The following PPP1R9A variants were observed in gnomAD, a reference collection of about 807,000 sequenced individuals.
The protein encoded by PPP1R9A is protein phosphatase 1 regulatory subunit 9A.
Under a neutral mutation model 141.9 loss-of-function variants are expected in PPP1R9A, and 59 were observed. The observed-to-expected ratio is 0.42, with a 90% confidence interval of 0.34 to 0.52. PPP1R9A has a LOEUF of 0.52. Ranked by LOEUF, PPP1R9A falls within the 20% of genes least tolerant of loss-of-function variation. The probability of loss-of-function intolerance (pLI) is 0.10; values close to 1 mark genes in which losing one functional copy is unlikely to be tolerated. For missense variants in PPP1R9A, 1,444 were observed against 1,611.9 expected, an observed-to-expected ratio of 0.90 and a Z score of 1.78; for synonymous variants, 500 against 569.7, an observed-to-expected ratio of 0.88 and a Z score of 1.74.
chr7:95,045,513 C>G (rs1163222925), intron 2 of PPP1R9A, among the ~76,000 whole-genome samples: 4 of 152,182 alleles, frequency 2.6e-5, no homozygotes, highest in Admixed American at 1.3e-4. Context: ...TTCCCTTTTT[C>G]AGTGGAATGC....
intron 7 of PPP1R9A, among the ~76,000 whole-genome samples, chr7:95,218,791 C>A (rs1404323652): frequency 2.0e-5 from 3 of 152,148 alleles, no homozygotes; most frequent in Admixed American, 6.6e-5. Context: ...GGATTGCAAC[C>A]CCTGCCTTTT....
rs1449964534 is a variant in PPP1R9A at position 95,118,824 on chromosome 7, A to AC, written c.1529-1887dup. Among the ~76,000 whole-genome samples, 5 of 150,224 alleles carry AC rather than the reference A, an allele frequency of 3.3e-5. No homozygotes were observed. The East Asian group carries it at 7.9e-4, about 24-fold the overall frequency. On this transcript the variant is annotated intron_variant, in intron 3 of 19. Coordinates refer to ENST00000433360, the MANE Select transcript of PPP1R9A (RefSeq NM_001166160.2). Reference sequence around the variant, plus strand: ...TGTCTGTACAAAAAAAAAAAAAAAAACACAAAAAATTACCCAGATGTGGTG... The same window carrying AC: ...TGTCTGTACAAAAAAAAAAAAAAAAACCACAAAAAATTACCCAGATGTGGTG...
intron 8 of PPP1R9A, among the ~76,000 whole-genome samples, chr7:95,231,197 A>T (rs1435587350): frequency 1.3e-5 from 2 of 152,168 alleles, no homozygotes; most frequent in Non-Finnish European, 2.9e-5. Context: ...CCAACAAGAA[A>T]ATATTACAAT....
chr7:95,229,750 A>G (rs764258779), intron 8 of PPP1R9A, among the ~76,000 whole-genome samples: 4 of 152,096 alleles, frequency 2.6e-5, no homozygotes, highest in Non-Finnish European at 1.5e-5. Flanking sequence ...ACTGCCTGAG[A>G]AACCTGAATA....
intron 6 of PPP1R9A, among the ~76,000 whole-genome samples, chr7:95,203,015 T>TA (rs1789917767): frequency 6.6e-6 from 1 of 152,084 alleles, no homozygotes; most frequent in Non-Finnish European, 1.5e-5. Context: ...AAAGTCTCCT[T>TA]AGGCAGTAGT....
At chr7:95,224,251 C>T (rs1794837516) in intron 7 of PPP1R9A, among the ~76,000 whole-genome samples, 2 of 152,098 alleles carry the variant, frequency 1.3e-5, no homozygotes, top group South Asian at 4.1e-4. Flanking sequence ...AACCTCTTTT[C>T]CTTTCAGTCA....
intron 4 of PPP1R9A, among the ~76,000 whole-genome samples, chr7:95,140,616 C>T (rs945162337): frequency 6.6e-6 from 1 of 152,188 alleles, no homozygotes; most frequent in Non-Finnish European, 1.5e-5. Context: ...GTCTTGAATT[C>T]CTGGTCCCAA....
At chr7:95,209,564 T>C (rs1284259432) in intron 7 of PPP1R9A, among the ~76,000 whole-genome samples, 5 of 152,168 alleles carry the variant, frequency 3.3e-5, no homozygotes, top group African/African-American at 1.2e-4. Flanking sequence ...AAGTCAGCCA[T>C]GTGAGGAAAG....
intron 2 of PPP1R9A, among the ~76,000 whole-genome samples, chr7:94,944,127 C>T (rs1025741022): frequency 3.3e-5 from 5 of 152,060 alleles, no homozygotes; most frequent in East Asian, 1.9e-4. Context: ...ATATCCATCA[C>T]GTTATACTTT....
Position 94,992,853 on chromosome 7 carries a change from CT to C in PPP1R9A, c.1395+81346del, listed in dbSNP as rs1801689930. Reference sequence around the variant, plus strand: ...CTTACTGTTTTAAGAGTTATTTATTCTGAATATAAGTAATATATTTATTCTG... The same window carrying C: ...CTTACTGTTTTAAGAGTTATTTATTCGAATATAAGTAATATATTTATTCTG... On this transcript the variant is annotated intron_variant, in intron 2 of 19. Transcript: ENST00000433360. Among the ~76,000 whole-genome samples, 5 of 151,910 alleles carry C rather than the reference CT, an allele frequency of 3.3e-5. No individual in the cohort carries two copies. The South Asian group carries it at 1.0e-3, about 31-fold the overall frequency.
chr7:94,995,757 G>A (rs1309228933), intron 2 of PPP1R9A, among the ~76,000 whole-genome samples: 1 of 151,908 alleles, frequency 6.6e-6, no homozygotes, highest in Non-Finnish European at 1.5e-5. Context: ...TGTGCCCATT[G>A]TGTCCATTCT....
Position 95,293,506 on chromosome 7 carries a change from A to AATCATAC in PPP1R9A, c.*3203_*3204insATCATAC, listed in dbSNP as rs1257352996. On this transcript the variant is annotated 3_prime_UTR_variant, in exon 20 of 20. Transcript: ENST00000433360. ...ACCCACAGCAGTTCATGATTGCAGT[A>AATCATAC]TGATAGGTACTAAAGCCAAACTCAG... is the stretch of plus-strand genomic sequence containing the variant. 1 of 152,174 alleles carries AATCATAC rather than the reference A, an allele frequency of 6.6e-6. No individual in the cohort carries two copies. Among genetic ancestry groups the AATCATAC allele is most frequent in the African/African-American group, 2.4e-5 (1 of 41,444 alleles). The allele number at this position is 152,174 out of a possible 1,614,324, so 9.4% of individuals were successfully genotyped here. A position where few individuals can be genotyped will look rare whatever the true frequency, so the allele number is the denominator to read the frequency against.
intron 2 of PPP1R9A, among the ~76,000 whole-genome samples, chr7:95,058,745 G>A (rs1563178177): frequency 1.3e-5 from 2 of 151,980 alleles, no homozygotes; most frequent in Non-Finnish European, 2.9e-5. Context: ...GCGGGGTGGA[G>A]TAGGGAGAAG....
chr7:95,257,478 C>T (rs1436384351), intron 12 of PPP1R9A, among the ~76,000 whole-genome samples: 4 of 151,826 alleles, frequency 2.6e-5, no homozygotes, highest in Non-Finnish European at 4.4e-5. Flanking sequence ...CGATACTTAA[C>T]ACTCTTAGAA....
chr7:95,241,484 CTG>C lies in PPP1R9A; in HGVS notation c.2113-5987_2113-5986del, dbSNP rs202239382. 5.0e-3 allele frequency among the ~76,000 whole-genome samples: 755 copies of C among 152,164 alleles called. 8 individuals are homozygous for C. The highest frequency in any genetic ancestry group is 0.017 in the African/African-American group (702 of 41,514). ...TCATGACTCTTTTATATTCTATGAA[CTG>C]TTGTTTTTAGTTGTGGTGTTCATTT... On this transcript the variant is annotated intron_variant, in intron 8 of 19. Transcript: ENST00000433360.
intron 2 of PPP1R9A, among the ~76,000 whole-genome samples, chr7:95,090,575 A>C (rs1817211225): frequency 6.6e-6 from 1 of 151,982 alleles, no homozygotes; most frequent in Admixed American, 6.6e-5. Context: ...TTGGAGGCCA[A>C]GGTAGGCAGA....
intron 5 of PPP1R9A, among the ~76,000 whole-genome samples, chr7:95,166,887 A>C (rs933012101): frequency 6.6e-6 from 1 of 152,212 alleles, no homozygotes; most frequent in Non-Finnish European, 1.5e-5. Flanking sequence ...ATGCTACATC[A>C]CATCAACAGA....
chr7:95,094,502 G>T (rs776008563), intron 2 of PPP1R9A, among the ~76,000 whole-genome samples: 4 of 152,154 alleles, frequency 2.6e-5, no homozygotes, highest in Non-Finnish European at 5.9e-5. Context: ...TAGATGTGGT[G>T]TATCATAAGT....
chr7:95,087,910 AG>A (rs1816844281), intron 2 of PPP1R9A, among the ~76,000 whole-genome samples: 1 of 149,538 alleles, frequency 6.7e-6, no homozygotes. Context: ...AAAGAGAGAG[AG>A]AAAAAAAAAA....
Sources: gnomAD v4.1 joint callset for allele counts (sites outside exome capture counted in the v4.1 genomes callset) on GRCh38, gnomAD v4.1.1 for gene constraint, MANE v1.5 for transcripts, NCBI Gene and HGNC (gene_info 2026-07-23, HGNC 2026-07-21) for gene names.